Variants in UPRT observed in about 807,000 individuals in gnomAD.
The protein encoded by UPRT is uracil phosphoribosyltransferase homolog.
Under a neutral mutation model 22.6 loss-of-function variants are expected in UPRT, and 5 were observed. The observed-to-expected ratio is 0.22, with a 90% CI of 0.12 to 0.47. The LOEUF (loss-of-function observed/expected upper bound fraction) is 0.47. Ranked by LOEUF, UPRT falls within the 20% of genes least tolerant of loss-of-function variation. The pLI, the probability that UPRT is intolerant of heterozygous loss-of-function variation, is 0.99. For synonymous variants in UPRT, 77 were observed against 87.7 expected, an observed-to-expected ratio of 0.88 and a Z score of 0.68; for missense variants, 181 against 239.9, an observed-to-expected ratio of 0.75 and a Z score of 1.62.
At chrX:75,186,718 C>T (rs1353745939) in intron 4 of UPRT, among the ~76,000 whole-genome samples, 1 of 112,068 alleles carries the variant, frequency 8.9e-6, no homozygotes, top group Non-Finnish European at 1.9e-5. Flanking sequence ...GTATTGGGTG[C>T]ATATATATTT....
At position 75,230,949 on chromosome X, in the gene UPRT, C is replaced by T. The variant is rs187467201; in HGVS notation, c.-446-60075C>T. 4.6e-4 allele frequency among the ~76,000 whole-genome samples: 52 copies of T among 111,961 alleles called. 1 individual carries two copies. Among genetic ancestry groups the T allele is most frequent in the Non-Finnish European group, 6.8e-4 (36 of 53,232 alleles). The stretch of plus-strand genomic sequence containing the variant: ...ACCCTATGGGACAAAATAATCTGAA[C>T]GGCAGCCCTTGAGTTCCAGAACATT... On this transcript the variant is annotated intron_variant, in intron 4 of 13. Transcript: ENST00000652605.
rs182109736 is a variant in UPRT, at chrX:75,179,892, C to T, written c.-447+12013C>T. ...CGCATGCAGCCCCGGTTCCCGCTCC[C>T]GCCTCTCCCTCCACACCTCCCTGCA... On this transcript the variant is annotated intron_variant, in intron 4 of 13. Transcript: ENST00000652605. 2.7e-4 allele frequency among the ~76,000 whole-genome samples: 31 copies of T among 112,988 alleles called. 1 individual carries two copies. The highest frequency in any genetic ancestry group is 2.3e-3 in the Admixed American group (25 of 10,815).
At chrX:75,293,602 T>C (rs2082715680) in intron 2 of UPRT, 88 bp downstream of exon 2, 1 of 962,505 alleles carries the variant, frequency 1.0e-6, no homozygotes, top group African/African-American at 2.0e-5. Flanking sequence ...TCTAGAGCAT[T>C]CTGGGGCTGA....
intron 4 of UPRT, among the ~76,000 whole-genome samples, chrX:75,183,939 G>A (rs1424960797): frequency 8.9e-6 from 1 of 112,025 alleles, no homozygotes; most frequent in Non-Finnish European, 1.9e-5. Flanking sequence ...TGTCAGATGA[G>A]TAGGTTGCGA....
At chrX:75,195,038 T>C (rs1250568099) in intron 4 of UPRT, among the ~76,000 whole-genome samples, 3 of 110,299 alleles carry the variant, frequency 2.7e-5, no homozygotes, top group Admixed American at 1.9e-4. Flanking sequence ...TGCATGCTGG[T>C]GGTGAAGGAG....
chrX:75,186,383 G>A (rs1193744004), intron 4 of UPRT, among the ~76,000 whole-genome samples: 2 of 111,773 alleles, frequency 1.8e-5, no homozygotes, highest in African/African-American at 6.5e-5. Flanking sequence ...TGTGGTCTGA[G>A]AGATAGTTTG....
intron 4 of UPRT, among the ~76,000 whole-genome samples, chrX:75,210,726 C>G (rs1040304758): frequency 8.2e-5 from 9 of 109,451 alleles, no homozygotes; most frequent in African/African-American, 2.7e-4. Context: ...AGGGATTGTC[C>G]AAAGGAGGAG....
intron 4 of UPRT, among the ~76,000 whole-genome samples, chrX:75,180,808 C>T (rs752917885): frequency 2.0e-4 from 20 of 98,143 alleles, no homozygotes; most frequent in African/African-American, 6.3e-4. Context: ...CCATACTATA[C>T]GTTGTCTGCT....
At chrX:75,167,454 T>C (rs1405693823) in intron 3 of UPRT, among the ~76,000 whole-genome samples, 3 of 112,132 alleles carry the variant, frequency 2.7e-5, no homozygotes, top group Non-Finnish European at 5.6e-5. Context: ...GCCTGGATCA[T>C]ATATGTCTCT....
At chrX:75,301,031 C>A in intron 6 of UPRT, 66 bp downstream of exon 6, 1 of 794,025 alleles carries the variant, frequency 1.3e-6, no homozygotes, top group Non-Finnish European at 1.8e-6. Flanking sequence ...TATGCATTTT[C>A]TAGCTTCTAA....
chrX:75,282,262 A>G (rs1455098350), intron 1 of UPRT, among the ~76,000 whole-genome samples: 1 of 108,856 alleles, frequency 9.2e-6, no homozygotes, highest in African/African-American at 3.3e-5. Context: ...AATTTCACTT[A>G]GTTCTGCTCT....
At chrX:75,229,063 A>G (rs2082430658) in intron 4 of UPRT, among the ~76,000 whole-genome samples, 2 of 111,959 alleles carry the variant, frequency 1.8e-5, no homozygotes, top group African/African-American at 3.3e-5. Flanking sequence ...TCTGAAATGA[A>G]TACGTTCTGA....
chrX:75,157,457 A>G (rs961560753), intron 1 of UPRT, among the ~76,000 whole-genome samples: 1 of 112,312 alleles, frequency 8.9e-6, no homozygotes, highest in Non-Finnish European at 1.9e-5. Flanking sequence ...AAAAGCAAGA[A>G]GGCATAAGAA....
intron 4 of UPRT, among the ~76,000 whole-genome samples, chrX:75,237,962 G>A (rs762799966): frequency 5.4e-5 from 6 of 110,736 alleles, no homozygotes; most frequent in Admixed American, 4.8e-4. Flanking sequence ...AATAAAAAAA[G>A]GAATGTTAAA....
Position 75,300,981 on chromosome X carries a change from G to A in UPRT, c.823+16G>A. On this transcript the variant is annotated intron_variant, in intron 6 of 6. Transcript: ENST00000373383. ...ACTCCTCATGGTGAGTTCAGCATGAGGCAGTAACTAGGGCTCCATATAGTC... is the reference window on the plus strand; with the variant it reads ...ACTCCTCATGGTGAGTTCAGCATGAAGCAGTAACTAGGGCTCCATATAGTC... The A allele has an allele frequency of 2.6e-6, 3 of 1,150,798 alleles. No individual in the cohort carries two copies. Among genetic ancestry groups the A allele is most frequent in the Non-Finnish European group, 3.5e-6 (3 of 845,158 alleles). 94.8% of individuals were successfully genotyped at this position (1,150,798 alleles called of 1,213,427 possible).
chrX:75,237,430 C>T (rs1602467215), intron 4 of UPRT, among the ~76,000 whole-genome samples: 1 of 111,286 alleles, frequency 9.0e-6, no homozygotes, highest in East Asian at 2.9e-4. Context: ...ACCATTTGAC[C>T]CAGCCATCCC....
At chrX:75,298,111 T>C (rs1031822423) in intron 4 of UPRT, among the ~76,000 whole-genome samples, 2 of 108,726 alleles carry the variant, frequency 1.8e-5, no homozygotes, top group African/African-American at 6.7e-5. Context: ...CCTGAGCAGC[T>C]AGTACTACAG....
At chrX:75,218,395 C>A (rs1213517595) in intron 4 of UPRT, among the ~76,000 whole-genome samples, 4 of 106,750 alleles carry the variant, frequency 3.7e-5, no homozygotes, top group Non-Finnish European at 7.7e-5. Flanking sequence ...ACAACAGGTG[C>A]TGGAGAGGAT....
In UPRT at chrX:75,299,888, CA is replaced by C; in HGVS notation, c.718del (p.Ile240PhefsTer8). 1 of 1,208,808 alleles carries C rather than the reference CA, an allele frequency of 8.3e-7. No homozygotes were observed. On this transcript the variant is annotated frameshift_variant, in exon 5 of 7. Coordinates refer to ENST00000373383, the MANE Select transcript of UPRT (RefSeq NM_145052.4). LOFTEE classifies it high-confidence loss of function. ...CGGAGAAAAGTCCTTCTGATGTATC[CA>C]ATTCTCAGTGAGTGGCTTCCATTTG... ...IYRRKVLLMY[P>X]ILSTGNTVIE...
Sources: gnomAD v4.1 joint callset for allele counts (sites outside exome capture counted in the v4.1 genomes callset) on GRCh38, gnomAD v4.1.1 for gene constraint, MANE v1.5 for transcripts, NCBI Gene and HGNC (gene_info 2026-07-23, HGNC 2026-07-21) for gene names.